Variants in THSD7A observed in about 807,000 individuals in gnomAD.
THSD7A encodes thrombospondin type-1 domain-containing protein 7A.
Under a neutral mutation model 231.3 loss-of-function variants are expected in THSD7A, and 96 were observed. That is an observed-to-expected ratio of 0.41 (90% CI 0.35 to 0.49). The LOEUF (loss-of-function observed/expected upper bound fraction) is 0.49, where lower values mean the gene tolerates loss of function less well. THSD7A is among the 20% of genes least tolerant of loss of function. The probability of loss-of-function intolerance (pLI) is 0.05; values close to 1 mark genes in which losing one functional copy is unlikely to be tolerated. For synonymous variants in THSD7A, 940 were observed against 743.3 expected (o/e 1.26, Z -4.30); for missense variants, 2,290 against 2,070.2 (o/e 1.11, Z -2.06).
rs540314737 is a variant in THSD7A, at chr7:11,425,205, A to G, written c.3250-376T>C. ...AGGGTGCTCACATGTTAGGTACTCA[A>G]TAGGGATTTGCAGAATGATTGAATG... On this transcript the variant is annotated intron_variant, in intron 15 of 27. Transcript: ENST00000423059. Among the ~76,000 whole-genome samples, 4 of 152,284 alleles carry G rather than the reference A, an allele frequency of 2.6e-5. No homozygotes were observed. The South Asian group carries it at 6.2e-4, about 24-fold the overall frequency.
At chr7:11,562,781 A>G (rs781502848) in intron 4 of THSD7A, among the ~76,000 whole-genome samples, 1 of 152,004 alleles carries the variant, frequency 6.6e-6, no homozygotes, top group Non-Finnish European at 1.5e-5. Context: ...ACTCTTTGCA[A>G]CTCCCTGCCA....
chr7:11,794,519 T>C (rs1034484182), intron 1 of THSD7A, among the ~76,000 whole-genome samples: 1 of 151,986 alleles, frequency 6.6e-6, no homozygotes, highest in Non-Finnish European at 1.5e-5. Context: ...GCCTCTTTTG[T>C]ATCAGGCAAC....
chr7:11,407,674 A>G (rs6975177), intron 19 of THSD7A, among the ~76,000 whole-genome samples: 59,608 of 152,068 alleles, frequency 0.39, 12,023 homozygotes, highest in African/African-American at 0.48. Context: ...AAGTGTTTTC[A>G]ATAAGCAATG....
At chr7:11,518,760 G>A (rs1228694843) in intron 6 of THSD7A, among the ~76,000 whole-genome samples, 1 of 152,146 alleles carries the variant, frequency 6.6e-6, no homozygotes, top group African/African-American at 2.4e-5. Flanking sequence ...GTGGTTTCCA[G>A]AAATGTACAA....
intron 1 of THSD7A, among the ~76,000 whole-genome samples, chr7:11,772,018 C>T (rs76613476): frequency 3.3e-5 from 5 of 152,134 alleles, no homozygotes; most frequent in Admixed American, 1.3e-4. Flanking sequence ...CCAGCATTCA[C>T]GCTTCTTGTA....
chr7:11,769,135 A>T lies in THSD7A; in HGVS notation c.190+62622T>A, dbSNP rs1196111964. ...ATAATTCCTGGCAATATATATATATATATATATATATATATATATTTTTTT... is the reference window on the plus strand; with the variant it reads ...ATAATTCCTGGCAATATATATATATTTATATATATATATATATATTTTTTT... On this transcript the variant is annotated intron_variant, in intron 1 of 27. Transcript: ENST00000423059. 4.2e-3 allele frequency among the ~76,000 whole-genome samples: 153 copies of T among 36,584 alleles called. 9 individuals are homozygous for T. Among genetic ancestry groups the T allele is most frequent in the Non-Finnish European group, 7.7e-3 (125 of 16,318 alleles). The allele number at this position is 36,584 out of a possible 152,430, so 24.0% of individuals were successfully genotyped here.
chr7:11,572,984 T>C (rs1358995678), intron 4 of THSD7A, among the ~76,000 whole-genome samples: 1 of 152,186 alleles, frequency 6.6e-6, no homozygotes, highest in Non-Finnish European at 1.5e-5. Flanking sequence ...TAAGTTTTGT[T>C]CTGTCAAACA....
In THSD7A at chr7:11,590,769, AC is replaced by A. The variant is rs779679698; in HGVS notation, c.1272-129del. On this transcript the variant is annotated intron_variant, in intron 3 of 27. Transcript: ENST00000423059. The surrounding 1 kb of genome is among the most constrained non-coding windows in gnomAD (Gnocchi z 4.4). Reference sequence around the variant, plus strand: ...TTTCCTAGAGAATCCATCGTAGACTACATCTATGGTGCATATTTGGTTTCAA... The same window carrying A: ...TTTCCTAGAGAATCCATCGTAGACTAATCTATGGTGCATATTTGGTTTCAA... 5 of 1,084,468 alleles carry A rather than the reference AC, an allele frequency of 4.6e-6. No individual in the cohort carries two copies. Among genetic ancestry groups the A allele is most frequent in the East Asian group, 2.7e-5 (1 of 37,024 alleles). The allele number at this position is 1,084,468 out of a possible 1,614,324, so 67.2% of individuals were successfully genotyped here.
intron 4 of THSD7A, among the ~76,000 whole-genome samples, chr7:11,564,788 A>T (rs1226587190): frequency 1.3e-5 from 2 of 152,164 alleles, no homozygotes; most frequent in African/African-American, 4.8e-5. Context: ...ACTCAAATAA[A>T]ATACAACTGT....
At chr7:11,526,856 T>C (rs1325680020) in intron 6 of THSD7A, among the ~76,000 whole-genome samples, 1 of 152,120 alleles carries the variant, frequency 6.6e-6, no homozygotes, top group Admixed American at 6.6e-5. Context: ...GATGGACTAA[T>C]ATAGTAAGCA....
intron 16 of THSD7A, among the ~76,000 whole-genome samples, chr7:11,418,461 T>C (rs1310094909): frequency 6.6e-6 from 1 of 152,180 alleles, no homozygotes; most frequent in Non-Finnish European, 1.5e-5. Flanking sequence ...AAAACCTTTA[T>C]CTCTCATGTG....
chr7:11,585,563 T>G (rs1024109114), intron 4 of THSD7A, among the ~76,000 whole-genome samples: 1 of 152,114 alleles, frequency 6.6e-6, no homozygotes, highest in Non-Finnish European at 1.5e-5. Flanking sequence ...AACTTCTAAA[T>G]AAAGACCAAA....
chr7:11,664,251 T>C (rs1007237868), intron 1 of THSD7A, among the ~76,000 whole-genome samples: 3 of 151,998 alleles, frequency 2.0e-5, no homozygotes, highest in African/African-American at 7.2e-5. Flanking sequence ...TCAAAACATA[T>C]GTATGTTGTC....
rs200741546 is a variant in THSD7A at position 11,375,901 on chromosome 7, G to C, written c.4890-23C>G. The stretch of plus-strand genomic sequence containing the variant: ...TTGCTGTAAAAAAATTCGGAATTAG[G>C]AGAAAGAAAATCAGTTTCTAATTGT... On this transcript the variant is annotated intron_variant, in intron 27 of 27. Transcript: ENST00000423059. 78 of 1,606,774 alleles carry C rather than the reference G, an allele frequency of 4.9e-5. No individual in the cohort carries two copies. In the East Asian group the frequency reaches 1.7e-3, roughly 35 times the overall value.
intron 1 of THSD7A, among the ~76,000 whole-genome samples, chr7:11,750,500 C>T (rs1037796677): frequency 3.3e-5 from 5 of 151,940 alleles, no homozygotes; most frequent in Admixed American, 2.6e-4. Flanking sequence ...GTCCTGAAAG[C>T]TCATATTCTG....
intron 7 of THSD7A, among the ~76,000 whole-genome samples, chr7:11,480,594 A>G (rs1481804123): frequency 6.6e-6 from 1 of 152,172 alleles, no homozygotes; most frequent in Non-Finnish European, 1.5e-5. Context: ...AAAGAGTTAA[A>G]TATATATTAA....
At chr7:11,549,380 G>T (rs1241221305) in intron 4 of THSD7A, among the ~76,000 whole-genome samples, 1 of 151,832 alleles carries the variant, frequency 6.6e-6, no homozygotes, top group African/African-American at 2.4e-5. Flanking sequence ...TGATTCCTCA[G>T]AGATTTAGAA....
Position 11,474,549 on chromosome 7 carries a change from A to G in THSD7A, c.2037T>C (p.Asn679=). ...AGEEGGIRCP[N]SSALQEVRSC... is the part of the protein sequence containing the mutation. ...TTCGTACTTCTTGCAAAGCACTGCT[A>G]TTTGGACAGCGAATTCCACCTAAAA... The change falls in exon 8 of 28, where the codon AAT becomes AAC. Residue 679 remains asparagine, a synonymous_variant. Coordinates refer to ENST00000423059, the MANE Select transcript of THSD7A (RefSeq NM_015204.3). The surrounding 1 kb of genome is among the most constrained non-coding windows in gnomAD (Gnocchi z 4.1). 1.9e-6 allele frequency: 3 copies of G among 1,594,754 alleles called. No individual in the cohort carries two copies. The highest frequency in any genetic ancestry group is 1.3e-5 in the African/African-American group (1 of 74,674).
At chr7:11,545,288 A>G (rs1256482301) in intron 4 of THSD7A, among the ~76,000 whole-genome samples, 4 of 152,054 alleles carry the variant, frequency 2.6e-5, no homozygotes, top group Non-Finnish European at 5.9e-5. Flanking sequence ...GTGCTACTAT[A>G]TTGTTTTTGA....
Sources: allele counts gnomAD v4.1 joint callset (sites outside exome capture counted in the v4.1 genomes callset), GRCh38; gene constraint gnomAD v4.1.1; non-coding constraint Gnocchi (gnomAD v3.1); transcripts MANE v1.5; gene names NCBI Gene and HGNC (gene_info 2026-07-23, HGNC 2026-07-21).